The following SYNE3 variants were observed in gnomAD, a reference collection of about 807,000 sequenced individuals.
SYNE3 encodes the protein nesprin-3.
Under a neutral mutation model 111.2 loss-of-function variants are expected in SYNE3, and 100 were observed. The ratio of observed to expected loss-of-function variants is 0.90; its 90% CI spans 0.77 to 1.06. SYNE3 has a LOEUF of 1.06. SYNE3 is among the 50% of genes least tolerant of loss of function. SYNE3 has a pLI of 0.00. For synonymous variants in SYNE3, 547 were observed against 533.9 expected (o/e 1.02, Z -0.34); for missense variants, 1,160 against 1,240.3 (o/e 0.94, Z 0.97).
At chr14:95,444,876 C>T (rs1032981753) in intron 9 of SYNE3, among the ~76,000 whole-genome samples, 2 of 152,204 alleles carry the variant, frequency 1.3e-5, no homozygotes, top group Non-Finnish European at 2.9e-5. Context: ...CACCCCTCCA[C>T]CCACCGACCA....
At chr14:95,463,000 T>C (rs1334983723) in intron 4 of SYNE3, among the ~76,000 whole-genome samples, 1 of 151,838 alleles carries the variant, frequency 6.6e-6, no homozygotes, top group Non-Finnish European at 1.5e-5. Context: ...TACTAAAAAA[T>C]ACAAAATTAG....
At chr14:95,438,629 G>C (rs911745308) in intron 14 of SYNE3, 1 of 178,814 alleles carries the variant, frequency 5.6e-6, no homozygotes, top group East Asian at 1.4e-4. Flanking sequence ...AGTTTGTTTA[G>C]AGGCAGTAAG....
At chr14:95,484,678 C>T (rs1458346089) in intron 1 of SYNE3, among the ~76,000 whole-genome samples, 1 of 152,132 alleles carries the variant, frequency 6.6e-6, no homozygotes, top group Non-Finnish European at 1.5e-5. Flanking sequence ...GTGAAATCTA[C>T]TCAGGGGTCT....
chr14:95,447,054 G>C (rs906181320), intron 8 of SYNE3, among the ~76,000 whole-genome samples: 9 of 152,044 alleles, frequency 5.9e-5, no homozygotes, highest in Admixed American at 4.6e-4. Context: ...AAAACACTGA[G>C]CTAGGCACGG....
intron 1 of SYNE3, among the ~76,000 whole-genome samples, 62 bp downstream of exon 1, chr14:95,516,534 G>GCCCGGCCCCCGGCC (rs527810309): frequency 2.8e-4 from 37 of 131,802 alleles, no homozygotes; most frequent in South Asian, 7.3e-4. Context: ...GACCCCACCC[G>GCCCGGCCCCCGGCC]CCCGGCCCCC....
chr14:95,437,597 T>C (rs2139386457), intron 14 of SYNE3, among the ~76,000 whole-genome samples: 1 of 152,362 alleles, frequency 6.6e-6, no homozygotes, highest in South Asian at 2.1e-4. Flanking sequence ...TTCCCGGTCC[T>C]GGACCTAGGA....
chr14:95,458,720 G>T (rs1887612671), intron 4 of SYNE3, among the ~76,000 whole-genome samples: 1 of 152,184 alleles, frequency 6.6e-6, no homozygotes, highest in African/African-American at 2.4e-5. Context: ...CTAGAAACAA[G>T]GCTGCCCCTG....
chr14:95,420,575 G>GTTTATACATACAA (rs1566953625), intron 17 of SYNE3, among the ~76,000 whole-genome samples: 4 of 152,154 alleles, frequency 2.6e-5, no homozygotes, highest in Non-Finnish European at 5.9e-5. Context: ...GACAAGGGAT[G>GTTTATACATACAA]GTCTTCTCAA....
chr14:95,467,180 T>C (rs997086303), intron 3 of SYNE3, among the ~76,000 whole-genome samples: 2 of 152,188 alleles, frequency 1.3e-5, no homozygotes, highest in Non-Finnish European at 2.9e-5. Context: ...CCTTGCTTTA[T>C]AAAAATGGAG....
At position 95,432,858 on chromosome 14, in the gene SYNE3, G is replaced by T. The variant is rs1051579326; in HGVS notation, c.2688+402C>A. The stretch of plus-strand genomic sequence containing the variant: ...GCTGGCTCTGCCACTGACCACCCAC[G>T]CGGCCTCGGGCAAGGTTTTTCACTG... On this transcript the variant is annotated intron_variant, in intron 16 of 17. Transcript: ENST00000682763. 2.0e-5 allele frequency among the ~76,000 whole-genome samples: 3 copies of T among 151,946 alleles called. No homozygotes were observed. The South Asian group carries it at 6.2e-4, about 32-fold the overall frequency.
chr14:95,424,212 G>T (rs187033885), intron 17 of SYNE3, among the ~76,000 whole-genome samples: 81 of 151,842 alleles, frequency 5.3e-4, no homozygotes, highest in African/African-American at 1.8e-3. Flanking sequence ...AAAGCCACAG[G>T]TGTGAGAGGA....
chr14:95,422,960 C>A (rs11622847), intron 17 of SYNE3, among the ~76,000 whole-genome samples: 1 of 152,164 alleles, frequency 6.6e-6, no homozygotes, highest in Non-Finnish European at 1.5e-5. Context: ...CCACTTCTGA[C>A]TTGGATGTTG....
rs1444821055 is a variant in SYNE3 at position 95,450,113 on chromosome 14, G to A, written c.1275-8C>T. ...GCGCTCTTCACCTTCAGGCTGCAAG[G>A]AGCGTGGAGGGAGAAAATGAGGGAG... is the stretch of plus-strand genomic sequence containing the variant. On this transcript the variant is annotated splice_polypyrimidine_tract_variant and splice_region_variant and intron_variant, in intron 7 of 17. Transcript: ENST00000682763. 6.4e-7 allele frequency: 1 copy of A among 1,569,788 alleles called. No homozygotes were observed. The highest frequency in any genetic ancestry group is 1.4e-5 in the African/African-American group (1 of 73,868).
At chr14:95,422,759 C>T (rs1034330239) in intron 17 of SYNE3, among the ~76,000 whole-genome samples, 1 of 152,246 alleles carries the variant, frequency 6.6e-6, no homozygotes, top group African/African-American at 2.4e-5. Context: ...GCCCCACTGC[C>T]TCTCATGAAA....
At chr14:95,507,066 C>T (rs569256556) in intron 1 of SYNE3, among the ~76,000 whole-genome samples, 5 of 152,238 alleles carry the variant, frequency 3.3e-5, no homozygotes, top group African/African-American at 4.8e-5. Context: ...AGGCGAGGAG[C>T]GCGGCACCTG....
intron 1 of SYNE3, among the ~76,000 whole-genome samples, chr14:95,486,275 C>A (rs1379849708): frequency 1.3e-5 from 2 of 152,214 alleles, no homozygotes; most frequent in East Asian, 3.9e-4. Context: ...GGATGTCTGA[C>A]CCCTGGTCCC....
chr14:95,499,856 C>CTTTTTTTTCTTTT (rs1890260684), intron 1 of SYNE3, among the ~76,000 whole-genome samples: 1 of 90,062 alleles, frequency 1.1e-5, no homozygotes, highest in African/African-American at 4.7e-5. Flanking sequence ...TAACTCTTGT[C>CTTTTTTTTCTTTT]TTTTTTTTTT....
intron 17 of SYNE3, among the ~76,000 whole-genome samples, chr14:95,429,468 G>A (rs1885621755): frequency 6.6e-6 from 1 of 152,140 alleles, no homozygotes; most frequent in Non-Finnish European, 1.5e-5. Flanking sequence ...GCAGGTTCAT[G>A]GGCCACCCTA....
intron 17 of SYNE3, among the ~76,000 whole-genome samples, chr14:95,430,519 T>C (rs546448181): frequency 6.6e-6 from 1 of 152,340 alleles, no homozygotes; most frequent in East Asian, 1.9e-4. Context: ...GTAAATAAGG[T>C]TGCCATTAAT....
Sources: gnomAD v4.1 joint callset for allele counts (sites outside exome capture counted in the v4.1 genomes callset) on GRCh38, gnomAD v4.1.1 for gene constraint, MANE v1.5 for transcripts, NCBI Gene and HGNC (gene_info 2026-07-23, HGNC 2026-07-21) for gene names.